PICALM: variants seen among roughly 807,000 people sequenced by gnomAD.
PICALM encodes the protein phosphatidylinositol-binding clathrin assembly protein.
Under a neutral mutation model 80.5 loss-of-function variants are expected in PICALM, and 40 were observed. That is an observed-to-expected ratio of 0.50 (90% CI 0.39 to 0.65). PICALM has a LOEUF of 0.65. PICALM is among the 30% of genes least tolerant of loss of function. PICALM has a pLI of 0.00. For synonymous variants in PICALM, 288 were observed against 260.3 expected (o/e 1.11, Z -1.02); for missense variants, 676 against 778.9 (o/e 0.87, Z 1.57).
At chr11:86,026,621 G>T (rs1349979170) in intron 2 of PICALM, among the ~76,000 whole-genome samples, 1 of 152,146 alleles carries the variant, frequency 6.6e-6, no homozygotes, top group Non-Finnish European at 1.5e-5. Context: ...CAAATAGGCA[G>T]TGGAAGCAGT....
chr11:86,019,495 A>G (rs147187097), intron 4 of PICALM, among the ~76,000 whole-genome samples: 244 of 152,372 alleles, frequency 1.6e-3, no homozygotes, highest in African/African-American at 5.5e-3. Flanking sequence ...CCTTCAAATT[A>G]GAACAAAAGT....
chr11:85,977,448 A>T (rs2094317331), intron 17 of PICALM, among the ~76,000 whole-genome samples: 1 of 152,202 alleles, frequency 6.6e-6, no homozygotes, highest in South Asian at 2.1e-4. Context: ...TGTCTTAACA[A>T]CATTTCCTGT....
At chr11:86,067,686 AATTT>A (rs2096465998) in intron 1 of PICALM, among the ~76,000 whole-genome samples, 1 of 152,196 alleles carries the variant, frequency 6.6e-6, no homozygotes, top group African/African-American at 2.4e-5. Context: ...TTTGTAAGTA[AATTT>A]ATTAATCCAT....
intron 19 of PICALM, among the ~76,000 whole-genome samples, chr11:85,964,426 G>C (rs1337629804): frequency 1.3e-5 from 2 of 152,166 alleles, no homozygotes; most frequent in African/African-American, 4.8e-5. Context: ...TAGAAAGATG[G>C]AACTGAATCT....
chr11:86,035,951 A>AAG (rs1431385884), intron 1 of PICALM, among the ~76,000 whole-genome samples: 3 of 149,976 alleles, frequency 2.0e-5, no homozygotes, highest in Non-Finnish European at 4.4e-5. Context: ...CTGCCTCAAA[A>AAG]AAAAAAAAAA....
intron 13 of PICALM, among the ~76,000 whole-genome samples, chr11:85,984,415 C>T (rs1450262481): frequency 2.0e-5 from 3 of 152,136 alleles, no homozygotes; most frequent in African/African-American, 4.8e-5. Flanking sequence ...TTTTCTCCCT[C>T]CCACCTACCC....
intron 1 of PICALM, among the ~76,000 whole-genome samples, chr11:86,036,848 T>A (rs1341293798): frequency 6.6e-6 from 1 of 151,506 alleles, no homozygotes; most frequent in African/African-American, 2.4e-5. Context: ...ATGCCTGTAA[T>A]CCCAGTGCTT....
chr11:85,976,874 GACTT>G, intron 17 of PICALM, 192 bp from the exon 18 acceptor site: 1 of 494,114 alleles, frequency 2.0e-6, no homozygotes, highest in Non-Finnish European at 3.7e-6. Flanking sequence ...CAGAAAAGCA[GACTT>G]ATTAGAAGGA....
chr11:85,971,813 G>C (rs1035671946), intron 19 of PICALM, among the ~76,000 whole-genome samples: 2 of 151,958 alleles, frequency 1.3e-5, no homozygotes, highest in African/African-American at 4.8e-5. Context: ...ATGGAGTTTA[G>C]CTCTTGTCGC....
chr11:86,044,103 T>C (rs529183834), intron 1 of PICALM, among the ~76,000 whole-genome samples: 1 of 152,364 alleles, frequency 6.6e-6, no homozygotes, highest in Admixed American at 6.5e-5. Flanking sequence ...GGACAAAGTT[T>C]CTATTATCAC....
intron 2 of PICALM, among the ~76,000 whole-genome samples, chr11:86,030,793 G>C (rs1408622722): frequency 6.6e-6 from 1 of 152,144 alleles, no homozygotes; most frequent in African/African-American, 2.4e-5. Flanking sequence ...TAGGCAAAGT[G>C]CTTCCATAAA....
At chr11:86,024,110 A>G (rs2095610131) in intron 3 of PICALM, among the ~76,000 whole-genome samples, 1 of 152,262 alleles carries the variant, frequency 6.6e-6, no homozygotes, top group Non-Finnish European at 1.5e-5. Context: ...CCTAGGTGAC[A>G]GAGCAAGCCC....
chr11:86,047,566 G>A (rs1281895502), intron 1 of PICALM, among the ~76,000 whole-genome samples: 6 of 152,190 alleles, frequency 3.9e-5, no homozygotes, highest in Admixed American at 3.9e-4. Context: ...TGTTACATGA[G>A]AAGAACACAA....
At chr11:85,972,065 G>A (rs1429741044) in intron 19 of PICALM, among the ~76,000 whole-genome samples, 1 of 152,014 alleles carries the variant, frequency 6.6e-6, no homozygotes, top group South Asian at 2.1e-4. Context: ...CTACAGGCGT[G>A]AGCCACCGTG....
intron 1 of PICALM, among the ~76,000 whole-genome samples, chr11:86,039,419 A>T (rs1489116595): frequency 6.6e-6 from 1 of 152,144 alleles, no homozygotes; most frequent in Admixed American, 6.6e-5. Flanking sequence ...AAATAAATTA[A>T]AATAAATTTT....
At chr11:86,006,073 G>A (rs1025187610) in intron 8 of PICALM, among the ~76,000 whole-genome samples, 1 of 152,086 alleles carries the variant, frequency 6.6e-6, no homozygotes, top group East Asian at 1.9e-4. Flanking sequence ...AAAACATAAG[G>A]GAAGCATAAC....
chr11:86,022,467 A>G lies in PICALM; in HGVS notation c.352T>C (p.Tyr118His). ...CGCCTAATAAATGTAGACATGTCATATCCTGTAAAAAAACAAAAACAAAAA... is the reference window on the plus strand; with the variant it reads ...CGCCTAATAAATGTAGACATGTCATGTCCTGTAAAAAAACAAAAACAAAAA... ...NFLDKSGLQGYDMSTFIRRYS... is the reference protein window; with the variant it reads ...NFLDKSGLQGHDMSTFIRRYS... The change falls in exon 4 of 20, where the codon TAT becomes CAT. Residue 118 changes from tyrosine (Y) to histidine (H), a missense_variant and splice_region_variant. By Grantham distance (83) the Tyr-to-His change is moderately conservative. This residue lies in a region of PICALM where 285 missense variants were observed against 395.4 expected (regional missense o/e 0.72). Coordinates refer to ENST00000393346, the MANE Select transcript of PICALM (RefSeq NM_007166.4). The G allele has an allele frequency of 6.8e-7, 1 of 1,466,954 alleles. No homozygotes were observed. Among genetic ancestry groups the G allele is most frequent in the Non-Finnish European group, 9.1e-7 (1 of 1,095,350 alleles). The allele number at this position is 1,466,954 out of a possible 1,614,324, so 90.9% of individuals were successfully genotyped here.
Position 85,972,403 on chromosome 11 carries a change from G to C in PICALM, c.1944+2305C>G, listed in dbSNP as rs142966275. ...ACTGGACTAGGAATCAGACACACCT[G>C]GGGATAAGTTGATTTCACCATTTAA... On this transcript the variant is annotated intron_variant, in intron 19 of 19. Coordinates refer to ENST00000393346, the MANE Select transcript of PICALM (RefSeq NM_007166.4). Among the ~76,000 whole-genome samples, 132 of 152,278 alleles carry C rather than the reference G, an allele frequency of 8.7e-4. 2 individuals are homozygous for C. Among genetic ancestry groups the C allele is most frequent in the African/African-American group, 3.0e-3 (124 of 41,570 alleles).
intron 6 of PICALM, among the ~76,000 whole-genome samples, chr11:86,011,857 T>G (rs911913269): frequency 2.0e-5 from 3 of 151,404 alleles, no homozygotes; most frequent in Non-Finnish European, 2.9e-5. Context: ...TTTTGTTTTT[T>G]TTTTTTTTTT....
Sources: gnomAD v4.1 joint callset for allele counts (sites outside exome capture counted in the v4.1 genomes callset) on GRCh38, gnomAD v4.1.1 for gene constraint, gnomAD v4.1.1 regional missense constraint, MANE v1.5 for transcripts, NCBI Gene and HGNC (gene_info 2026-07-23, HGNC 2026-07-21) for gene names.